The following ATXN7L1 variants were observed in gnomAD, a reference collection of about 807,000 sequenced individuals.
The protein encoded by ATXN7L1 is ataxin 7 like 1.
A neutral mutation model predicts 70.8 loss-of-function variants in ATXN7L1; 15 were observed. The observed-to-expected ratio is 0.21, with a 90% CI of 0.14 to 0.33. The LOEUF is 0.33. Ranked by LOEUF, ATXN7L1 falls within the 10% of genes least tolerant of loss-of-function variation. The probability of loss-of-function intolerance (pLI) is 1.00; values close to 1 mark genes in which losing one functional copy is unlikely to be tolerated. For synonymous variants in ATXN7L1, 440 were observed against 445.1 expected (o/e 0.99, Z 0.14); for missense variants, 975 against 1,097.1 (o/e 0.89, Z 1.57).
chr7:105,694,766 A>C (rs1791489931), intron 3 of ATXN7L1, among the ~76,000 whole-genome samples: 2 of 152,134 alleles, frequency 1.3e-5, no homozygotes, highest in African/African-American at 4.8e-5. Flanking sequence ...AGGTCTTCCA[A>C]CTCCTGGCCC....
chr7:105,840,914 C>T (rs560999917), intron 2 of ATXN7L1, among the ~76,000 whole-genome samples: 2 of 152,238 alleles, frequency 1.3e-5, no homozygotes, highest in East Asian at 1.9e-4. Context: ...CTCTCAGAAC[C>T]CTTATAGGGA....
Position 105,646,608 on chromosome 7 carries a change from G to A in ATXN7L1, c.579-3487C>T, listed in dbSNP as rs149688112. Among the ~76,000 whole-genome samples the A allele has an allele frequency of 7.8e-3, 1,187 of 152,038 alleles. 24 individuals carry two copies. The highest frequency in any genetic ancestry group is 0.027 in the African/African-American group (1,129 of 41,464). ...AATTTTTGTACTTTTAGTAGAGATG[G>A]GGTTTCACCATGTTGGCCAGGCTGG... On this transcript the variant is annotated intron_variant, in intron 4 of 11. Transcript: ENST00000419735.
At chr7:105,680,255 A>C (rs2116154004) in intron 3 of ATXN7L1, among the ~76,000 whole-genome samples, 1 of 152,276 alleles carries the variant, frequency 6.6e-6, no homozygotes, top group South Asian at 2.1e-4. Context: ...GAGATTAGAG[A>C]GGGCATTATA....
chr7:105,852,612 G>A lies in ATXN7L1; in HGVS notation c.250+23200C>T, dbSNP rs1000073708. 6.9e-4 allele frequency among the ~76,000 whole-genome samples: 105 copies of A among 152,022 alleles called. 1 individual carries two copies. The highest frequency in any genetic ancestry group is 2.3e-3 in the African/African-American group (97 of 41,474). On this transcript the variant is annotated intron_variant, in intron 2 of 11. Coordinates refer to ENST00000419735, the MANE Select transcript of ATXN7L1 (RefSeq NM_020725.2). ...CAGCAATCCTGCACAGGGCCCTTCC[G>A]CACACACATTCCTGTCAGCTCTGAT...
At chr7:105,802,848 T>C (rs1477651245) in intron 2 of ATXN7L1, among the ~76,000 whole-genome samples, 1 of 152,176 alleles carries the variant, frequency 6.6e-6, no homozygotes, top group Non-Finnish European at 1.5e-5. Context: ...CACACAGTTT[T>C]GTTTTTCCTG....
chr7:105,811,289 G>C (rs1808392184), intron 2 of ATXN7L1, among the ~76,000 whole-genome samples: 1 of 152,174 alleles, frequency 6.6e-6, no homozygotes, highest in African/African-American at 2.4e-5. Flanking sequence ...GAGTGACACA[G>C]CTATAAGACA....
chr7:105,672,147 G>A (rs1378205876), intron 3 of ATXN7L1, among the ~76,000 whole-genome samples: 1 of 151,872 alleles, frequency 6.6e-6, no homozygotes, highest in Non-Finnish European at 1.5e-5. Context: ...TTAGCTGGGT[G>A]TGATGGCAGG....
intron 2 of ATXN7L1, among the ~76,000 whole-genome samples, chr7:105,832,677 G>A (rs1379860948): frequency 6.6e-6 from 1 of 152,166 alleles, no homozygotes; most frequent in Non-Finnish European, 1.5e-5. Context: ...GGAAAGCTTT[G>A]AAAGGTGAAG....
In ATXN7L1 at chr7:105,872,874, G is replaced by A. The variant is rs56657029; in HGVS notation, c.250+2938C>T. 1.9e-3 allele frequency among the ~76,000 whole-genome samples: 284 copies of A among 149,984 alleles called. 2 individuals carry two copies. The highest frequency in any genetic ancestry group is 6.5e-3 in the African/African-American group (268 of 40,918). On this transcript the variant is annotated intron_variant, in intron 2 of 11. Coordinates refer to ENST00000419735, the MANE Select transcript of ATXN7L1 (RefSeq NM_020725.2). ...AAAAACATCAAAATCGGAACCACCC[G>A]CCGGGCACGGTGGCTCATGCCTGTA... is the stretch of plus-strand genomic sequence containing the variant.
At chr7:105,710,335 G>A (rs1277693777) in intron 3 of ATXN7L1, among the ~76,000 whole-genome samples, 1 of 152,040 alleles carries the variant, frequency 6.6e-6, no homozygotes, top group Admixed American at 6.6e-5. Context: ...AAGGTGAAGG[G>A]GAAGCAAGCA....
intron 3 of ATXN7L1, among the ~76,000 whole-genome samples, chr7:105,781,343 A>AT (rs1159903288): frequency 2.0e-5 from 3 of 152,162 alleles, no homozygotes; most frequent in Non-Finnish European, 4.4e-5. Flanking sequence ...TCTACCTATT[A>AT]TTTTTTTCTT....
chr7:105,745,423 G>A (rs1044154429), intron 3 of ATXN7L1, among the ~76,000 whole-genome samples: 3 of 152,080 alleles, frequency 2.0e-5, no homozygotes, highest in Non-Finnish European at 2.9e-5. Flanking sequence ...CATGTGGGCC[G>A]TGTACGGGAA....
chr7:105,684,208 C>T (rs1805892790), intron 3 of ATXN7L1, among the ~76,000 whole-genome samples: 1 of 152,242 alleles, frequency 6.6e-6, no homozygotes, highest in Non-Finnish European at 1.5e-5. Context: ...AATCCCATGT[C>T]TGCGTTGTGG....
chr7:105,781,401 T>C (rs1041185895), intron 3 of ATXN7L1, among the ~76,000 whole-genome samples: 6 of 152,194 alleles, frequency 3.9e-5, no homozygotes, highest in Non-Finnish European at 8.8e-5. Flanking sequence ...TACTAAAAAG[T>C]AATAAAAAAT....
chr7:105,650,136 T>C (rs1799629150), intron 4 of ATXN7L1, among the ~76,000 whole-genome samples: 1 of 152,226 alleles, frequency 6.6e-6, no homozygotes, highest in Non-Finnish European at 1.5e-5. Flanking sequence ...ATTCTTTAAG[T>C]TGAAGAAGTA....
At chr7:105,866,699 C>T (rs1235171673) in intron 2 of ATXN7L1, among the ~76,000 whole-genome samples, 2 of 152,106 alleles carry the variant, frequency 1.3e-5, no homozygotes, top group African/African-American at 2.4e-5. Context: ...AACACTGGAC[C>T]GGGAGATTTA....
chr7:105,694,494 T>G (rs1293788996), intron 3 of ATXN7L1, among the ~76,000 whole-genome samples: 1 of 152,158 alleles, frequency 6.6e-6, no homozygotes, highest in Non-Finnish European at 1.5e-5. Flanking sequence ...GCGGCTATTA[T>G]TACCCCCATT....
chr7:105,607,966 CT>C, intron 11 of ATXN7L1, 76 bp from the exon 12 acceptor site: 1 of 1,324,318 alleles, frequency 7.6e-7, no homozygotes, highest in Non-Finnish European at 1.1e-6. Context: ...AGGATGGAGA[CT>C]TAGTTTTCTC....
In ATXN7L1 at chr7:105,825,033, G is replaced by A. The variant is rs570164182; in HGVS notation, c.251-36325C>T. Among the ~76,000 whole-genome samples, 8 of 152,128 alleles carry A rather than the reference G, an allele frequency of 5.3e-5. No individual in the cohort carries two copies. In the South Asian group the frequency reaches 1.7e-3, roughly 32 times the overall value. Reference sequence around the variant, plus strand: ...AAGATCCTAAAAGCTTTCAGAGAACGAAAGTGGTCTCACACAAGACTGGCA... The same window carrying A: ...AAGATCCTAAAAGCTTTCAGAGAACAAAAGTGGTCTCACACAAGACTGGCA... On this transcript the variant is annotated intron_variant, in intron 2 of 11. Transcript: ENST00000419735.
Sources: allele counts gnomAD v4.1 joint callset (sites outside exome capture counted in the v4.1 genomes callset), GRCh38; gene constraint gnomAD v4.1.1; transcripts MANE v1.5; gene names NCBI Gene and HGNC (gene_info 2026-07-23, HGNC 2026-07-21).